Variants in FHIT observed in about 807,000 individuals in gnomAD.
The protein encoded by FHIT is bis(5'-adenosyl)-triphosphatase.
In FHIT, 19 loss-of-function variants were observed where a neutral mutation model predicts 17.9. The ratio of observed to expected loss-of-function variants is 1.06; its 90% CI spans 0.74 to 1.56. The LOEUF is 1.56. Ranked by LOEUF, FHIT falls within the 40% of genes most tolerant of loss-of-function variation. The pLI, the probability that FHIT is intolerant of heterozygous loss-of-function variation, is 0.00. For synonymous variants in FHIT, 81 were observed against 69.7 expected, an observed-to-expected ratio of 1.16 and a Z score of -0.81; for missense variants, 248 against 189.2, an observed-to-expected ratio of 1.31 and a Z score of -1.82.
intron 2 of FHIT, among the ~76,000 whole-genome samples, chr3:61,048,384 T>C (rs1363851367): frequency 6.6e-6 from 1 of 152,164 alleles, no homozygotes; most frequent in Non-Finnish European, 1.5e-5. Flanking sequence ...AAAATGCTCA[T>C]CATCACTGGC....
intron 8 of FHIT, among the ~76,000 whole-genome samples, chr3:59,793,865 G>A (rs1333948758): frequency 6.6e-6 from 1 of 152,144 alleles, no homozygotes; most frequent in Non-Finnish European, 1.5e-5. Flanking sequence ...TGAGGATAGG[G>A]GTTGTCATTT....
intron 1 of FHIT, among the ~76,000 whole-genome samples, chr3:61,217,739 C>T (rs1053709081): frequency 2.0e-4 from 31 of 152,138 alleles, no homozygotes; most frequent in Non-Finnish European, 2.8e-4. Flanking sequence ...TCTTTACAAG[C>T]ACATATGAAA....
chr3:60,736,844 C>G (rs1387271200), intron 4 of FHIT, among the ~76,000 whole-genome samples: 1 of 152,144 alleles, frequency 6.6e-6, no homozygotes, highest in Non-Finnish European at 1.5e-5. Flanking sequence ...GTAGCCTATT[C>G]TGATTCTCAC....
chr3:60,280,098 C>T (rs1559784745), intron 5 of FHIT, among the ~76,000 whole-genome samples: 1 of 150,122 alleles, frequency 6.7e-6, no homozygotes, highest in Non-Finnish European at 1.5e-5. Flanking sequence ...CGTAACTTAG[C>T]GTATCAACTG....
At chr3:61,251,022 C>T (rs2040610897) in intron 1 of FHIT, among the ~76,000 whole-genome samples, 1 of 152,190 alleles carries the variant, frequency 6.6e-6, no homozygotes, top group Non-Finnish European at 1.5e-5. Context: ...CTGTGGCGTC[C>T]CCGGACCCGC....
intron 3 of FHIT, among the ~76,000 whole-genome samples, chr3:60,933,809 T>G (rs72889190): frequency 0.044 from 6,706 of 152,218 alleles, 511 homozygotes; most frequent in African/African-American, 0.15. Context: ...TCCCCTCCCT[T>G]TACATTTTCT....
chr3:61,034,464 T>C (rs942020178), intron 3 of FHIT, among the ~76,000 whole-genome samples: 2 of 151,786 alleles, frequency 1.3e-5, no homozygotes, highest in Admixed American at 6.6e-5. Flanking sequence ...AACCAGGTAA[T>C]GGGTAGAGGA....
intron 8 of FHIT, among the ~76,000 whole-genome samples, chr3:59,815,548 A>C (rs1165703821): frequency 1.3e-5 from 2 of 152,172 alleles, no homozygotes; most frequent in Non-Finnish European, 2.9e-5. Context: ...ACTACTACTC[A>C]GCCATAAAAA....
intron 5 of FHIT, among the ~76,000 whole-genome samples, chr3:60,509,179 T>C (rs997482390): frequency 7.9e-5 from 12 of 152,174 alleles, no homozygotes; most frequent in Middle Eastern, 3.2e-3. Flanking sequence ...ATGTGACTCT[T>C]GGCGATTCCA....
chr3:60,752,842 C>T (rs2042496522), intron 4 of FHIT, among the ~76,000 whole-genome samples: 1 of 152,152 alleles, frequency 6.6e-6, no homozygotes, highest in Non-Finnish European at 1.5e-5. Context: ...GAAAAACAGA[C>T]ATTTAATGTA....
chr3:60,157,340 G>T (rs950693485), intron 5 of FHIT, among the ~76,000 whole-genome samples: 1 of 152,182 alleles, frequency 6.6e-6, no homozygotes, highest in Non-Finnish European at 1.5e-5. Context: ...ACGTGGAAAA[G>T]TCCAGTTGTT....
At chr3:60,850,835 C>T (rs1429853937) in intron 3 of FHIT, among the ~76,000 whole-genome samples, 1 of 152,146 alleles carries the variant, frequency 6.6e-6, no homozygotes, top group Non-Finnish European at 1.5e-5. Context: ...CTACTCATTA[C>T]TTTGAATAGC....
At chr3:61,017,245 C>T (rs959561311) in intron 3 of FHIT, among the ~76,000 whole-genome samples, 14 of 152,136 alleles carry the variant, frequency 9.2e-5, no homozygotes, top group Non-Finnish European at 1.3e-4. Context: ...GCTGAGATTG[C>T]GCCACTGCAC....
intron 8 of FHIT, among the ~76,000 whole-genome samples, chr3:59,910,957 C>T (rs117827170): frequency 6.6e-6 from 1 of 152,104 alleles, no homozygotes; most frequent in Non-Finnish European, 1.5e-5. Flanking sequence ...AGAATTCATT[C>T]CAAACCACAG....
intron 4 of FHIT, among the ~76,000 whole-genome samples, chr3:60,570,241 T>C (rs1281622639): frequency 6.6e-6 from 1 of 152,222 alleles, no homozygotes; most frequent in African/African-American, 2.4e-5. Context: ...GCAGAGAGAC[T>C]GTCCTATGAT....
At chr3:60,885,703 A>G (rs1705191945) in intron 3 of FHIT, among the ~76,000 whole-genome samples, 1 of 152,140 alleles carries the variant, frequency 6.6e-6, no homozygotes, top group South Asian at 2.1e-4. Flanking sequence ...CTGATACATC[A>G]TGAGCTTATT....
intron 3 of FHIT, among the ~76,000 whole-genome samples, chr3:60,979,037 T>C (rs1211110214): frequency 1.3e-5 from 2 of 152,196 alleles, no homozygotes; most frequent in Admixed American, 6.5e-5. Context: ...CTATATCAAA[T>C]GAGGAAAATT....
At chr3:59,790,847 G>T (rs1699525389) in intron 8 of FHIT, among the ~76,000 whole-genome samples, 1 of 152,106 alleles carries the variant, frequency 6.6e-6, no homozygotes, top group Non-Finnish European at 1.5e-5. Context: ...GTTGGTAGGT[G>T]CTAAGTAAAC....
chr3:60,123,989 TATATATATATATATATATATAGAGAG>T (rs1270725491), intron 5 of FHIT, among the ~76,000 whole-genome samples: 17 of 50,144 alleles, frequency 3.4e-4, no homozygotes, highest in Admixed American at 9.2e-4. Context: ...TATATATATA[TATATATATATATATATATATAGAGAG>T]AGAGAGAGAG....
Sources: gnomAD v4.1 joint callset for allele counts (sites outside exome capture counted in the v4.1 genomes callset) on GRCh38, gnomAD v4.1.1 for gene constraint, MANE v1.5 for transcripts, NCBI Gene and HGNC (gene_info 2026-07-23, HGNC 2026-07-21) for gene names.